PTPN21: variants seen among roughly 807,000 people sequenced by gnomAD.
PTPN21 encodes the protein protein tyrosine phosphatase non-receptor type 21, also known as tyrosine-protein phosphatase non-receptor type 21.
Under a neutral mutation model 131.8 loss-of-function variants are expected in PTPN21, and 77 were observed. The observed-to-expected ratio is 0.58, with a 90% CI of 0.49 to 0.71. PTPN21 has a LOEUF of 0.71. PTPN21 is among the 30% of genes least tolerant of loss of function. The probability of loss-of-function intolerance (pLI) is 0.00; values close to 1 mark genes in which losing one functional copy is unlikely to be tolerated. For missense variants in PTPN21, 1,552 were observed against 1,527.1 expected (o/e 1.02, Z -0.27); for synonymous variants, 715 against 621.3 (o/e 1.15, Z -2.24).
chr14:88,529,187 G>A (rs570116629), intron 2 of PTPN21, among the ~76,000 whole-genome samples: 46 of 152,258 alleles, frequency 3.0e-4, no homozygotes, highest in African/African-American at 1.0e-3. Flanking sequence ...TAATCATAAA[G>A]GAATGCTGGA....
At chr14:88,544,572 T>G (rs975993168) in intron 2 of PTPN21, among the ~76,000 whole-genome samples, 1 of 152,168 alleles carries the variant, frequency 6.6e-6, no homozygotes, top group Non-Finnish European at 1.5e-5. Context: ...ATCCCCAACT[T>G]ACAAATGAAA....
chr14:88,548,568 T>C (rs1427154996), intron 2 of PTPN21, among the ~76,000 whole-genome samples: 1 of 152,212 alleles, frequency 6.6e-6, no homozygotes, highest in Non-Finnish European at 1.5e-5. Context: ...GCCTGTTTTC[T>C]TACTGGCAAC....
At chr14:88,534,771 G>A (rs184032039) in intron 2 of PTPN21, among the ~76,000 whole-genome samples, 1 of 152,246 alleles carries the variant, frequency 6.6e-6, no homozygotes, top group Non-Finnish European at 1.5e-5. Context: ...CTACTTGGGA[G>A]GCTGAGGCTA....
intron 5 of PTPN21, 50 bp downstream of exon 5, chr14:88,505,254 T>C (rs1566830651): frequency 4.4e-6 from 6 of 1,357,170 alleles, no homozygotes; most frequent in Admixed American, 1.8e-5. Context: ...ATTAAGGGTA[T>C]AGGAATAAAC....
At chr14:88,553,808 A>G (rs1261414844) in intron 1 of PTPN21, among the ~76,000 whole-genome samples, 3 of 152,222 alleles carry the variant, frequency 2.0e-5, no homozygotes, top group South Asian at 2.1e-4. Flanking sequence ...CCCCTTTCCT[A>G]TTAAGGTCCT....
At chr14:88,488,848 A>T (rs1355359376) in intron 10 of PTPN21, among the ~76,000 whole-genome samples, 1 of 152,032 alleles carries the variant, frequency 6.6e-6, no homozygotes, top group African/African-American at 2.4e-5. Context: ...AAAAAGAAAA[A>T]AGTCTACCAG....
At chr14:88,515,352 T>TA (rs1287774865) in intron 3 of PTPN21, 1 of 152,232 alleles carries the variant, frequency 6.6e-6, no homozygotes, top group Admixed American at 6.5e-5. Context: ...TTCTATATTG[T>TA]AAACCTATGC....
chr14:88,516,975 TA>T, intron 3 of PTPN21, 116 bp downstream of exon 3: 4 of 1,191,844 alleles, frequency 3.4e-6, no homozygotes, highest in East Asian at 2.5e-5. Context: ...ACACCGTGGC[TA>T]AAAATGTGGG....
intron 2 of PTPN21, among the ~76,000 whole-genome samples, chr14:88,537,686 G>C (rs1219816915): frequency 1.3e-5 from 2 of 152,178 alleles, no homozygotes; most frequent in African/African-American, 4.8e-5. Context: ...TGTTTTTAAA[G>C]AGTAAACTAG....
intron 2 of PTPN21, among the ~76,000 whole-genome samples, chr14:88,527,109 A>G (rs2078490804): frequency 6.6e-6 from 1 of 152,212 alleles, no homozygotes; most frequent in Non-Finnish European, 1.5e-5. Flanking sequence ...TTGTGCTACT[A>G]TAAACATGTG....
chr14:88,478,404 TGGA>T (rs1260428440), intron 13 of PTPN21, among the ~76,000 whole-genome samples: 4 of 152,148 alleles, frequency 2.6e-5, no homozygotes, highest in Non-Finnish European at 5.9e-5. Flanking sequence ...AGAATCACTC[TGGA>T]GAATCACGGC....
intron 10 of PTPN21, among the ~76,000 whole-genome samples, chr14:88,490,061 T>A (rs1299106787): frequency 6.6e-6 from 1 of 151,268 alleles, no homozygotes; most frequent in Non-Finnish European, 1.5e-5. Flanking sequence ...CAGGCTGAAA[T>A]GCAGTGGTGC....
intron 10 of PTPN21, among the ~76,000 whole-genome samples, chr14:88,495,013 CAAAA>C (rs386382090): frequency 1.4e-4 from 7 of 49,188 alleles, no homozygotes; most frequent in African/African-American, 2.7e-4. Flanking sequence ...ACTCTGTCTC[CAAAA>C]AAAAAAAAAA....
Position 88,497,219 on chromosome 14 carries a change from G to C in PTPN21, c.836C>G (p.Thr279Ser). The C allele has an allele frequency of 6.2e-7, 1 of 1,608,858 alleles. No individual in the cohort carries two copies. The highest frequency in any genetic ancestry group is 1.1e-5 in the South Asian group (1 of 90,940). Residue 279 changes from threonine to serine, a missense_variant, in exon 9 of 19, where the codon ACC becomes AGC. Physicochemically the swap from Thr to Ser is moderately conservative, Grantham distance 58. Around this residue, in one of 4 missense-constraint regions of PTPN21, gnomAD observed 1,016 missense variants for 883.5 expected, o/e 1.15. Coordinates refer to ENST00000556564, the MANE Select transcript of PTPN21 (RefSeq NM_007039.4). Reference protein sequence around the residue: ...FALELANKEETIQFQTEDMET... With the variant: ...FALELANKEESIQFQTEDMET... ...TTTACTCACAGTTTGAAATTGAATG[G>C]TCTCCTCTTTATTTGCCAGCTCTAA...
At chr14:88,500,688 T>TA (rs2077994237) in intron 8 of PTPN21, 95 bp downstream of exon 8, 18 of 846,954 alleles carry the variant, frequency 2.1e-5, no homozygotes, top group Middle Eastern at 2.6e-4. Context: ...GAGACCTTGG[T>TA]ATAGACTTGT....
At chr14:88,503,078 C>T (rs371891024) in intron 6 of PTPN21, among the ~76,000 whole-genome samples, 1 of 150,984 alleles carries the variant, frequency 6.6e-6, no homozygotes, top group Admixed American at 6.6e-5. Flanking sequence ...GCTCTGTCAC[C>T]AGGCTGGAGT....
At chr14:88,525,108 C>T (rs1381716729) in intron 2 of PTPN21, among the ~76,000 whole-genome samples, 3 of 151,988 alleles carry the variant, frequency 2.0e-5, no homozygotes, top group Admixed American at 6.6e-5. Flanking sequence ...AGTACAGTGG[C>T]ACACACCTGT....
rs1436990260 is a variant in PTPN21 at position 88,554,902 on chromosome 14, C to A, written c.-454G>T. ...GGTGGGACCGGCCGGCGAGGAGCGC[C>A]GCACAAAGAAGCCCCGTGGGGGCGG... is the stretch of plus-strand genomic sequence containing the variant. On this transcript the variant is annotated 5_prime_UTR_variant, in exon 1 of 19. Coordinates refer to ENST00000556564, the MANE Select transcript of PTPN21 (RefSeq NM_007039.4). 6.6e-6 allele frequency among the ~76,000 whole-genome samples: 1 copy of A among 151,636 alleles called. No individual in the cohort carries two copies. Among genetic ancestry groups the A allele is most frequent in the African/African-American group, 2.4e-5 (1 of 41,412 alleles).
In PTPN21 at chr14:88,500,795, G is replaced by T. The variant is rs769149761; in HGVS notation, c.752C>A (p.Pro251His). 6.2e-7 allele frequency: 1 copy of T among 1,610,818 alleles called. No individual in the cohort carries two copies. The highest frequency in any genetic ancestry group is 8.5e-7 in the Non-Finnish European group (1 of 1,177,140). ...GTAAGAAAAATACCTAAATACCACAGGATGCCTTCCATTCTTGTGTTTCAC... is the reference window on the plus strand; with the variant it reads ...GTAAGAAAAATACCTAAATACCACATGATGCCTTCCATTCTTGTGTTTCAC... ...IFVKHKNGRHPVVFRWHDIAN... is the reference protein window; with the variant it reads ...IFVKHKNGRHHVVFRWHDIAN... The change falls in exon 8 of 19, where the codon CCT becomes CAT. Residue 251 changes from proline (P) to histidine (H), a missense_variant. Pro to His is a moderately conservative substitution (Grantham distance 77, BLOSUM62 -2). This residue lies in a region of PTPN21 where 1,016 missense variants were observed against 883.5 expected (regional missense o/e 1.15). Transcript: ENST00000556564.
Sources: allele counts gnomAD v4.1 joint callset (sites outside exome capture counted in the v4.1 genomes callset), GRCh38; gene constraint gnomAD v4.1.1; regional missense constraint gnomAD v4.1.1; transcripts MANE v1.5; gene names NCBI Gene and HGNC (gene_info 2026-07-23, HGNC 2026-07-21).